Variants in SGCZ observed in about 807,000 individuals in gnomAD.
The protein encoded by SGCZ is sarcoglycan zeta, also known as zeta-sarcoglycan.
Under a neutral mutation model 41.3 loss-of-function variants are expected in SGCZ, and 40 were observed. The observed-to-expected ratio is 0.97, with a 90% CI of 0.75 to 1.26. The LOEUF is 1.26. Ranked by LOEUF, SGCZ falls within the 50% of genes most tolerant of loss-of-function variation. The pLI is 0.00. For synonymous variants in SGCZ, 206 were observed against 137.5 expected (o/e 1.50, Z -3.49); for missense variants, 552 against 369.8 (o/e 1.49, Z -4.04).
At chr8:14,096,448 A>G (rs988485621) in intron 7 of SGCZ, among the ~76,000 whole-genome samples, 2 of 152,188 alleles carry the variant, frequency 1.3e-5, no homozygotes, top group African/African-American at 4.8e-5. Context: ...CATCCCAGGG[A>G]TGAAGCCAAC....
intron 5 of SGCZ, among the ~76,000 whole-genome samples, chr8:14,118,611 G>T (rs1802597521): frequency 6.6e-6 from 1 of 152,108 alleles, no homozygotes; most frequent in Non-Finnish European, 1.5e-5. Context: ...ATTGCTTTTG[G>T]TGTTTTAGTC....
chr8:14,289,218 A>ATTTT (rs71209038), intron 3 of SGCZ, among the ~76,000 whole-genome samples: 42 of 149,564 alleles, frequency 2.8e-4, no homozygotes, highest in Middle Eastern at 3.5e-3. Flanking sequence ...ACATAGTAGG[A>ATTTT]TTTTTTTTTT....
At chr8:14,996,963 C>T (rs937398276) in intron 1 of SGCZ, among the ~76,000 whole-genome samples, 1 of 152,208 alleles carries the variant, frequency 6.6e-6, no homozygotes, top group African/African-American at 2.4e-5. Flanking sequence ...TACTACTCTA[C>T]ATAGTAAGGA....
At chr8:15,070,022 T>G (rs755773546) in intron 1 of SGCZ, among the ~76,000 whole-genome samples, 1 of 152,130 alleles carries the variant, frequency 6.6e-6, no homozygotes, top group Non-Finnish European at 1.5e-5. Flanking sequence ...GTTTTTGGTG[T>G]TAAGATTCCC....
At chr8:14,590,107 T>TA (rs35104456) in intron 1 of SGCZ, among the ~76,000 whole-genome samples, 35,491 of 151,680 alleles carry the variant, frequency 0.23, 4,290 homozygotes, top group Admixed American at 0.26. Flanking sequence ...TGTTCTTTGG[T>TA]AAAAAAAAGA....
chr8:14,847,126 A>AAGAAGAAGAAGAAGAAG (rs761276429), intron 1 of SGCZ, among the ~76,000 whole-genome samples: 7 of 126,362 alleles, frequency 5.5e-5, no homozygotes, highest in African/African-American at 2.1e-4. Flanking sequence ...GAAGAAGAAG[A>AAGAAGAAGAAGAAGAAG]AAGAAGAAGA....
At chr8:14,467,387 G>A (rs1481924134) in intron 2 of SGCZ, among the ~76,000 whole-genome samples, 1 of 151,970 alleles carries the variant, frequency 6.6e-6, no homozygotes, top group Non-Finnish European at 1.5e-5. Flanking sequence ...CTCTTTATCT[G>A]TACTTCTATA....
chr8:14,445,753 A>T (rs1278352527), intron 2 of SGCZ, among the ~76,000 whole-genome samples: 2 of 152,190 alleles, frequency 1.3e-5, no homozygotes, highest in African/African-American at 2.4e-5. Flanking sequence ...GTGATGTGGC[A>T]AGGGGTCAAC....
chr8:14,813,281 G>A (rs749428267), intron 1 of SGCZ, among the ~76,000 whole-genome samples: 17 of 152,040 alleles, frequency 1.1e-4, no homozygotes, highest in South Asian at 2.1e-4. Context: ...TATTCACGTC[G>A]TATGAAATTT....
chr8:14,513,858 A>G (rs1802534758), intron 2 of SGCZ, among the ~76,000 whole-genome samples: 1 of 152,014 alleles, frequency 6.6e-6, no homozygotes, highest in Admixed American at 6.6e-5. Context: ...GACATTTGTA[A>G]CTACTCTCTG....
At chr8:14,419,350 T>C (rs1310589193) in intron 2 of SGCZ, among the ~76,000 whole-genome samples, 8 of 151,938 alleles carry the variant, frequency 5.3e-5, no homozygotes, top group Admixed American at 5.3e-4. Flanking sequence ...AACTTAAGAA[T>C]TTACGTCTTT....
intron 4 of SGCZ, among the ~76,000 whole-genome samples, chr8:14,223,583 G>C (rs764032825): frequency 3.0e-4 from 46 of 152,010 alleles, no homozygotes; most frequent in Non-Finnish European, 6.0e-4. Context: ...GGAACTAACA[G>C]GGAATAAATA....
intron 1 of SGCZ, among the ~76,000 whole-genome samples, chr8:14,719,372 A>G (rs893637472): frequency 4.7e-5 from 7 of 150,368 alleles, no homozygotes; most frequent in African/African-American, 1.7e-4. Flanking sequence ...TATACCCAGT[A>G]ATGGGATGGC....
intron 2 of SGCZ, among the ~76,000 whole-genome samples, chr8:14,401,437 C>T (rs1384136539): frequency 3.0e-5 from 3 of 101,168 alleles, no homozygotes; most frequent in African/African-American, 1.2e-4. Flanking sequence ...TCCCTCCCCC[C>T]TCCCCCCACC....
intron 7 of SGCZ, among the ~76,000 whole-genome samples, chr8:14,094,900 T>A (rs1180125699): frequency 6.6e-6 from 1 of 152,228 alleles, no homozygotes; most frequent in Non-Finnish European, 1.5e-5. Context: ...TGAAGAGCTT[T>A]TTTTCATGTG....
At chr8:14,489,675 T>C (rs1312159244) in intron 2 of SGCZ, among the ~76,000 whole-genome samples, 2 of 151,390 alleles carry the variant, frequency 1.3e-5, no homozygotes, top group Non-Finnish European at 2.9e-5. Flanking sequence ...TTCTTTCTTA[T>C]ATATTATTAA....
intron 2 of SGCZ, among the ~76,000 whole-genome samples, chr8:14,480,640 A>G (rs757213018): frequency 4.6e-5 from 7 of 152,224 alleles, no homozygotes; most frequent in Non-Finnish European, 1.0e-4. Context: ...TGAAATTCTA[A>G]CCTTACAAAA....
At chr8:14,137,532 G>C (rs1050024882) in intron 5 of SGCZ, among the ~76,000 whole-genome samples, 5 of 152,174 alleles carry the variant, frequency 3.3e-5, no homozygotes, top group African/African-American at 9.7e-5. Context: ...TGTGATGCAT[G>C]CACAAGCTTC....
intron 4 of SGCZ, among the ~76,000 whole-genome samples, chr8:14,187,657 A>G (rs1804949633): frequency 1.3e-5 from 2 of 152,160 alleles, no homozygotes; most frequent in Admixed American, 6.5e-5. Flanking sequence ...TAGAGATTAT[A>G]AAATCTGTAG....
Sources: gnomAD v4.1 joint callset for allele counts (sites outside exome capture counted in the v4.1 genomes callset) on GRCh38, gnomAD v4.1.1 for gene constraint, MANE v1.5 for transcripts, NCBI Gene and HGNC (gene_info 2026-07-23, HGNC 2026-07-21) for gene names.